CACNG3: variants seen among roughly 807,000 people sequenced by gnomAD.
The protein encoded by CACNG3 is calcium voltage-gated channel auxiliary subunit gamma 3.
In CACNG3, 3 loss-of-function variants were observed where a neutral mutation model predicts 28.5. The observed-to-expected ratio is 0.11, with a 90% CI of 0.05 to 0.27. CACNG3 has a LOEUF of 0.27. CACNG3 is among the 10% of genes least tolerant of loss of function. CACNG3 has a pLI of 1.00. For missense variants in CACNG3, 236 were observed against 414.4 expected (o/e 0.57, Z 3.74); for synonymous variants, 174 against 162.2 (o/e 1.07, Z -0.55).
At chr16:24,323,091 C>T (rs747595646) in intron 1 of CACNG3, among the ~76,000 whole-genome samples, 13 of 151,968 alleles carry the variant, frequency 8.6e-5, no homozygotes, top group Non-Finnish European at 1.8e-4. Context: ...GCTGTGCATA[C>T]TGGCAAATGC....
At chr16:24,280,981 G>A (rs1460735818) in intron 1 of CACNG3, among the ~76,000 whole-genome samples, 1 of 149,542 alleles carries the variant, frequency 6.7e-6, no homozygotes, top group African/African-American at 2.5e-5. Context: ...TTAAGAATGG[G>A]GAGACAGAAA....
chr16:24,361,341 C>T lies in CACNG3; in HGVS notation c.437-11C>T. ...TATAAAGGACGTGTTTTTCTTTTCC[C>T]CTTCTCTTAGGGTTAAGCAACATCA... On this transcript the variant is annotated splice_polypyrimidine_tract_variant and intron_variant, in intron 3 of 3. Coordinates refer to ENST00000005284, the MANE Select transcript of CACNG3 (RefSeq NM_006539.4). The surrounding 1 kb of genome is among the most constrained non-coding windows in gnomAD (Gnocchi z 6.8). The T allele has an allele frequency of 6.4e-7, 1 of 1,557,580 alleles. No individual in the cohort carries two copies. The highest frequency in any genetic ancestry group is 8.7e-7 in the Non-Finnish European group (1 of 1,154,656).
At chr16:24,312,463 T>TA (rs572812274) in intron 1 of CACNG3, among the ~76,000 whole-genome samples, 125 of 150,970 alleles carry the variant, frequency 8.3e-4, no homozygotes, top group East Asian at 3.1e-3. Context: ...TTCTCATCTG[T>TA]AAAAAAAAAT....
chr16:24,323,519 T>C (rs553209715), intron 1 of CACNG3, among the ~76,000 whole-genome samples: 1 of 152,322 alleles, frequency 6.6e-6, no homozygotes, highest in South Asian at 2.1e-4. Flanking sequence ...AGTGGTTGAA[T>C]AACTAGCTCA....
chr16:24,295,961 C>T (rs2141357468), intron 1 of CACNG3, among the ~76,000 whole-genome samples: 1 of 152,342 alleles, frequency 6.6e-6, no homozygotes, highest in African/African-American at 2.4e-5. Context: ...TGTATCACAG[C>T]TAATAGGCAA....
chr16:24,331,331 A>G (rs1322573527), intron 1 of CACNG3, among the ~76,000 whole-genome samples: 2 of 152,322 alleles, frequency 1.3e-5, no homozygotes, highest in East Asian at 1.9e-4. Flanking sequence ...AAGCAAGCCT[A>G]TTCATCATGT....
intron 2 of CACNG3, 89 bp downstream of exon 2, chr16:24,346,906 C>A: frequency 1.0e-6 from 1 of 968,332 alleles, no homozygotes; most frequent in South Asian, 1.3e-5. Context: ...GCTTCCTCAG[C>A]ATCTGTCCCT....
chr16:24,302,873 C>T (rs1019689650), intron 1 of CACNG3, among the ~76,000 whole-genome samples: 3 of 152,026 alleles, frequency 2.0e-5, no homozygotes, highest in African/African-American at 2.4e-5. Context: ...TTGGCCAGGC[C>T]GGTTTTGAAT....
intron 1 of CACNG3, among the ~76,000 whole-genome samples, chr16:24,323,821 G>T (rs574677193): frequency 1.3e-5 from 2 of 152,304 alleles, no homozygotes; most frequent in African/African-American, 4.8e-5. Context: ...AGGATGGAGG[G>T]CAGTGGAGTG....
intron 1 of CACNG3, among the ~76,000 whole-genome samples, chr16:24,327,560 C>A (rs1899573556): frequency 6.7e-6 from 1 of 149,576 alleles, no homozygotes. Flanking sequence ...TTAAAGGATG[C>A]AGTGAGCTAT....
At chr16:24,347,004 G>T (rs530419346) in intron 2 of CACNG3, among the ~76,000 whole-genome samples, 187 bp downstream of exon 2, 1 of 152,158 alleles carries the variant, frequency 6.6e-6, no homozygotes, top group Admixed American at 6.5e-5. Context: ...TAGTTTCAAT[G>T]AATTAGAAAC....
At chr16:24,340,227 C>A (rs1217510966) in intron 1 of CACNG3, among the ~76,000 whole-genome samples, 1 of 151,900 alleles carries the variant, frequency 6.6e-6, no homozygotes, top group Non-Finnish European at 1.5e-5. Flanking sequence ...TGACGAGACC[C>A]CATCTCTACA....
At chr16:24,339,320 C>A (rs1039917367) in intron 1 of CACNG3, among the ~76,000 whole-genome samples, 5 of 151,692 alleles carry the variant, frequency 3.3e-5, no homozygotes, top group African/African-American at 4.8e-5. Context: ...TGTAAGAAAC[C>A]ACCTCACTGA....
intron 1 of CACNG3, among the ~76,000 whole-genome samples, chr16:24,279,849 G>A (rs886561914): frequency 3.3e-5 from 5 of 152,256 alleles, no homozygotes; most frequent in East Asian, 1.9e-4. Context: ...GTTTAGTGAT[G>A]GGGAGAGGGT....
intron 1 of CACNG3, among the ~76,000 whole-genome samples, chr16:24,278,196 A>G (rs988263802): frequency 5.9e-5 from 9 of 152,232 alleles, no homozygotes; most frequent in Non-Finnish European, 8.8e-5. Context: ...TTTGGAAATC[A>G]TCAGTGGTAA....
At chr16:24,350,957 T>C (rs1899931669) in intron 2 of CACNG3, among the ~76,000 whole-genome samples, 2 of 152,116 alleles carry the variant, frequency 1.3e-5, no homozygotes, top group Admixed American at 1.3e-4. Context: ...CCATTAAAAA[T>C]AAGCTACACT....
At chr16:24,312,806 G>T (rs1899281163) in intron 1 of CACNG3, among the ~76,000 whole-genome samples, 1 of 151,156 alleles carries the variant, frequency 6.6e-6, no homozygotes, top group Non-Finnish European at 1.5e-5. Context: ...ACCACAGAGT[G>T]AGACCTTGTC....
chr16:24,335,974 G>A (rs1899699130), intron 1 of CACNG3, among the ~76,000 whole-genome samples: 1 of 151,940 alleles, frequency 6.6e-6, no homozygotes, highest in South Asian at 2.1e-4. Context: ...CCAAAGTGCT[G>A]GGATTACAGG....
At position 24,318,228 on chromosome 16, in the gene CACNG3, G is replaced by A. The variant is rs144900343; in HGVS notation, c.212-28506G>A. 1.2e-3 allele frequency among the ~76,000 whole-genome samples: 189 copies of A among 152,044 alleles called. 1 individual carries two copies. The highest frequency in any genetic ancestry group is 4.4e-3 in the African/African-American group (184 of 41,450). On this transcript the variant is annotated intron_variant, in intron 1 of 3. Transcript: ENST00000005284. ...TTTTCTTGAGATGGAGTCTCACTCT[G>A]TCACCCAGGCTGGAGTGCAGTGGCA...
Sources: gnomAD v4.1 joint callset for allele counts (sites outside exome capture counted in the v4.1 genomes callset) on GRCh38, gnomAD v4.1.1 for gene constraint, Gnocchi (gnomAD v3.1) non-coding constraint, MANE v1.5 for transcripts, NCBI Gene and HGNC (gene_info 2026-07-23, HGNC 2026-07-21) for gene names.